TRPC7: variants seen among roughly 807,000 people sequenced by gnomAD.
TRPC7 encodes short transient receptor potential channel 7.
A neutral mutation model predicts 90.1 loss-of-function variants in TRPC7; 42 were observed. The observed-to-expected ratio is 0.47, with a 90% confidence interval of 0.36 to 0.60. TRPC7 has a LOEUF of 0.60. Among genes scored for constraint, TRPC7 ranks in the 20% least tolerant of loss-of-function variants. The probability of loss-of-function intolerance (pLI) is 0.00; values close to 1 mark genes in which losing one functional copy is unlikely to be tolerated. For synonymous variants in TRPC7, 451 were observed against 436.3 expected (o/e 1.03, Z -0.42); for missense variants, 955 against 1,112.3 (o/e 0.86, Z 2.01).
At chr5:136,346,970 G>A (rs898721731) in intron 2 of TRPC7, among the ~76,000 whole-genome samples, 1 of 152,152 alleles carries the variant, frequency 6.6e-6, no homozygotes, top group African/African-American at 2.4e-5. Context: ...CAAATGACTG[G>A]TGTCCTTATC....
At chr5:136,278,691 G>A (rs1483346641) in intron 3 of TRPC7, among the ~76,000 whole-genome samples, 1 of 152,162 alleles carries the variant, frequency 6.6e-6, no homozygotes, top group Non-Finnish European at 1.5e-5. Flanking sequence ...GGGAGGCAGG[G>A]ATTGGAACTA....
In TRPC7 at chr5:136,247,545, A is replaced by G; in HGVS notation, c.1770T>C (p.Phe590=). Residue 590 remains phenylalanine (F), a synonymous_variant, in exon 7 of 12, where the codon TTT becomes TTC. Transcript: ENST00000513104. This position sits in a 1 kb window ranked among gnomAD's most constrained non-coding sequence, Gnocchi z 4.2. ...TGAACATCCCAATCATGAAGGCCAC[A>G]AATACCATGATGAAAATGACCATGA... ...FKFMVIFIMV[F]VAFMIGMFNL... 6.2e-7 allele frequency: 1 copy of G among 1,614,020 alleles called. No individual in the cohort carries two copies. The highest frequency in any genetic ancestry group is 8.5e-7 in the Non-Finnish European group (1 of 1,179,884).
chr5:136,307,625 C>T (rs80254061), intron 3 of TRPC7, among the ~76,000 whole-genome samples: 2,930 of 152,300 alleles, frequency 0.019, 98 homozygotes, highest in African/African-American at 0.067. Flanking sequence ...CTCCCCCTTC[C>T]TCCAAGGACA....
intron 3 of TRPC7, among the ~76,000 whole-genome samples, chr5:136,292,110 G>A (rs1554113584): frequency 6.6e-6 from 1 of 152,006 alleles, no homozygotes; most frequent in Admixed American, 6.6e-5. Context: ...CAAAGACACA[G>A]CATACCAGAA....
At chr5:136,357,513 A>C in intron 1 of TRPC7, 128 bp from the exon 2 acceptor site, 1 of 999,830 alleles carries the variant, frequency 1.0e-6, no homozygotes, top group Admixed American at 2.9e-5. Context: ...GCAATCTTAC[A>C]AATCATTGTC....
intron 8 of TRPC7, 183 bp from the exon 9 acceptor site, chr5:136,226,438 G>T (rs1755634431): frequency 6.7e-6 from 4 of 596,382 alleles, no homozygotes; most frequent in Non-Finnish European, 1.2e-5. Flanking sequence ...CATGCACAAT[G>T]GTCACTTTCT....
Position 136,274,442 on chromosome 5 carries a change from G to A in TRPC7, c.1128+231C>T, listed in dbSNP as rs182100619. ...CTGATCTTTTCAAATTATGCCTCTC[G>A]TGTTTAAAATTTTATTGCTCCTCTC... On this transcript the variant is annotated intron_variant, in intron 4 of 11. Coordinates refer to ENST00000513104, the MANE Select transcript of TRPC7 (RefSeq NM_020389.3). 4.5e-4 allele frequency among the ~76,000 whole-genome samples: 68 copies of A among 151,542 alleles called. 1 individual carries two copies. The South Asian group carries it at 7.5e-3, about 17-fold the overall frequency.
rs557297068 is a variant in TRPC7, at chr5:136,278,382, T to G, written c.964-3545A>C. Among the ~76,000 whole-genome samples the G allele has an allele frequency of 2.6e-5, 4 of 152,360 alleles. No individual in the cohort carries two copies. The East Asian group carries it at 7.7e-4, about 29-fold the overall frequency. ...GCCATCCACAGGACCAAAGTTGCCT[T>G]CCTTCCTCATTGCCCCTGTGAGGTG... On this transcript the variant is annotated intron_variant, in intron 3 of 11. Coordinates refer to ENST00000513104, the MANE Select transcript of TRPC7 (RefSeq NM_020389.3).
Position 136,224,554 on chromosome 5 carries a change from C to T in TRPC7, c.2343+720G>A, listed in dbSNP as rs191593773. Among the ~76,000 whole-genome samples, 544 of 152,268 alleles carry T rather than the reference C, an allele frequency of 3.6e-3. 6 individuals carry two copies. The highest frequency in any genetic ancestry group is 3.8e-3 in the Non-Finnish European group (260 of 68,026). ...AAGTGTATAGCATCTGTCTGCTTTT[C>T]TCTATCACCCTGCTCGTACCCCAAT... On this transcript the variant is annotated intron_variant, in intron 10 of 11. Transcript: ENST00000513104.
intron 3 of TRPC7, among the ~76,000 whole-genome samples, chr5:136,296,860 T>C (rs1262363181): frequency 1.3e-5 from 2 of 152,224 alleles, no homozygotes; most frequent in Non-Finnish European, 2.9e-5. Flanking sequence ...CCATATGGAA[T>C]GGAGCTGAGC....
At chr5:136,241,629 T>C (rs564684305) in intron 7 of TRPC7, among the ~76,000 whole-genome samples, 5 of 152,182 alleles carry the variant, frequency 3.3e-5, no homozygotes, top group Non-Finnish European at 7.4e-5. Context: ...AATCTCGGCT[T>C]ACTGCAACCT....
intron 3 of TRPC7, among the ~76,000 whole-genome samples, chr5:136,302,717 T>C (rs1053812734): frequency 6.6e-6 from 1 of 152,212 alleles, no homozygotes; most frequent in African/African-American, 2.4e-5. Context: ...TCCAAATAGC[T>C]GGAAAATGGC....
At chr5:136,340,555 A>G (rs1437257069) in intron 2 of TRPC7, among the ~76,000 whole-genome samples, 2 of 152,202 alleles carry the variant, frequency 1.3e-5, no homozygotes, top group African/African-American at 2.4e-5. Context: ...ATTATATACC[A>G]TAAATATATA....
At chr5:136,226,312 C>T (rs921876832) in intron 8 of TRPC7, 57 bp from the exon 9 acceptor site, 5 of 1,314,550 alleles carry the variant, frequency 3.8e-6, no homozygotes, top group Admixed American at 4.1e-5. Flanking sequence ...AACAACGGAG[C>T]CCAACCTGAG....
intron 7 of TRPC7, among the ~76,000 whole-genome samples, chr5:136,243,253 A>G (rs1210364855): frequency 1.3e-5 from 2 of 152,044 alleles, no homozygotes; most frequent in African/African-American, 4.8e-5. Flanking sequence ...GTAGGTTTCT[A>G]ACAGCTGACT....
At chr5:136,216,363 G>T in intron 10 of TRPC7, 88 bp from the exon 11 acceptor site, 3 of 1,049,854 alleles carry the variant, frequency 2.9e-6, no homozygotes, top group South Asian at 1.4e-5. Flanking sequence ...TCCCTCCCTT[G>T]AAGAGCCTCA....
intron 2 of TRPC7, among the ~76,000 whole-genome samples, chr5:136,330,359 A>G (rs10477781): frequency 0.49 from 74,043 of 152,156 alleles, 18,598 homozygotes; most frequent in Middle Eastern, 0.59. Flanking sequence ...AACCTAGGAA[A>G]TATATACTAT....
chr5:136,361,703 G>A (rs1760573772), intron 1 of TRPC7, among the ~76,000 whole-genome samples: 1 of 152,176 alleles, frequency 6.6e-6, no homozygotes, highest in Non-Finnish European at 1.5e-5. Flanking sequence ...AATTCAGCCT[G>A]TAATATTCCC....
At chr5:136,361,051 T>G (rs1195456242) in intron 1 of TRPC7, among the ~76,000 whole-genome samples, 1 of 152,178 alleles carries the variant, frequency 6.6e-6, no homozygotes, top group Non-Finnish European at 1.5e-5. Context: ...TAAAGTCACA[T>G]GTCTCTCAAT....
Sources: allele counts gnomAD v4.1 joint callset (sites outside exome capture counted in the v4.1 genomes callset), GRCh38; gene constraint gnomAD v4.1.1; non-coding constraint Gnocchi (gnomAD v3.1); transcripts MANE v1.5; gene names NCBI Gene and HGNC (gene_info 2026-07-23, HGNC 2026-07-21).